The following ATP13A4 variants were observed in gnomAD, a reference collection of about 807,000 sequenced individuals.
ATP13A4 encodes the protein ATPase 13A4, also known as probable cation-transporting ATPase 13A4.
ATP13A4 carries 114 observed loss-of-function variants against 142.5 expected under a neutral mutation model. The ratio of observed to expected loss-of-function variants is 0.80; its 90% CI spans 0.69 to 0.93. The LOEUF (loss-of-function observed/expected upper bound fraction) is 0.93. Ranked by LOEUF, ATP13A4 falls within the 40% of genes least tolerant of loss-of-function variation. The pLI is 0.00. For synonymous variants in ATP13A4, 488 were observed against 514.8 expected, an observed-to-expected ratio of 0.95 and a Z score of 0.70; for missense variants, 1,392 against 1,454.0, an observed-to-expected ratio of 0.96 and a Z score of 0.69.
chr3:193,485,708 C>G (rs1218738489), intron 7 of ATP13A4, among the ~76,000 whole-genome samples: 1 of 152,032 alleles, frequency 6.6e-6, no homozygotes, highest in Non-Finnish European at 1.5e-5. Context: ...GGAGAAGGGG[C>G]CTTTGAAAGG....
chr3:193,474,296 C>G (rs547815077), intron 8 of ATP13A4, among the ~76,000 whole-genome samples: 100 of 127,698 alleles, frequency 7.8e-4, no homozygotes, highest in African/African-American at 3.0e-3. Flanking sequence ...TGCACTCCAG[C>G]CTGGTGACAG....
intron 3 of ATP13A4, among the ~76,000 whole-genome samples, chr3:193,496,608 T>C (rs1461292460): frequency 6.6e-6 from 1 of 151,888 alleles, no homozygotes; most frequent in Non-Finnish European, 1.5e-5. Flanking sequence ...CTGGCCAACA[T>C]AGCAAAACCA....
Position 193,433,907 on chromosome 3 carries a change from CTGTT to C in ATP13A4, c.2776_2779del (p.Asn926AlafsTer20), listed in dbSNP as rs1202865257. 4 of 1,613,318 alleles carry C rather than the reference CTGTT, an allele frequency of 2.5e-6. No individual in the cohort carries two copies. The highest frequency in any genetic ancestry group is 1.7e-5 in the Admixed American group (1 of 60,008). On this transcript the variant is annotated frameshift_variant, in exon 25 of 30. Coordinates refer to ENST00000342695, the MANE Select transcript of ATP13A4 (RefSeq NM_032279.4). LOFTEE classifies it high-confidence loss of function. ...GAACAGAAACTGGTAATTTGAAAGG[CTGTT>C]TGTCTCCTGAAAATAAAAAGAAAGC... is the stretch of plus-strand genomic sequence containing the variant.
intron 8 of ATP13A4, among the ~76,000 whole-genome samples, chr3:193,479,530 T>A (rs927103175): frequency 6.6e-6 from 1 of 151,684 alleles, no homozygotes; most frequent in African/African-American, 2.4e-5. Context: ...AGCTGCAAAA[T>A]ACAATAAAAT....
intron 8 of ATP13A4, among the ~76,000 whole-genome samples, chr3:193,482,567 A>C (rs1445892919): frequency 6.6e-6 from 1 of 152,208 alleles, no homozygotes; most frequent in Non-Finnish European, 1.5e-5. Context: ...CAATTTTAAT[A>C]ATAAAAATAA....
intron 10 of ATP13A4, among the ~76,000 whole-genome samples, chr3:193,466,906 C>G (rs1718322464): frequency 6.6e-6 from 1 of 151,560 alleles, no homozygotes; most frequent in Admixed American, 6.6e-5. Flanking sequence ...TGTTTTGTAC[C>G]TGTAGGTAAG....
At chr3:193,590,652 C>T (rs1290425020) in intron 1 of ATP13A4, among the ~76,000 whole-genome samples, 2 of 152,200 alleles carry the variant, frequency 1.3e-5, no homozygotes, top group Admixed American at 6.5e-5. Context: ...CTATAAACTA[C>T]ATTCCTCCCC....
rs1338459385 is a variant in ATP13A4 at position 193,442,436 on chromosome 3, C to T, written c.2273G>A (p.Trp758Ter). Residue 758 changes from tryptophan to a stop codon, truncating the protein, a stop_gained, in exon 19 of 30, where the codon TGG (tryptophan) becomes TAG (stop). Transcript: ENST00000342695. LOFTEE classifies it high-confidence loss of function. ...GTGTTTCTTCTCTTCTACTAACGTCCAAGATATAGATGCTGATGAGGACCC... is the reference window on the plus strand; with the variant it reads ...GTGTTTCTTCTCTTCTACTAACGTCTAAGATATAGATGCTGATGAGGACCC... The part of the protein sequence containing the change: ...TTGSSSASIS[W>*]TLVEEKKHIM... 6.2e-7 allele frequency: 1 copy of T among 1,614,044 alleles called. No individual in the cohort carries two copies. The highest frequency in any genetic ancestry group is 1.1e-5 in the South Asian group (1 of 91,080).
At chr3:193,474,338 A>C (rs1310990903) in intron 8 of ATP13A4, among the ~76,000 whole-genome samples, 1 of 148,680 alleles carries the variant, frequency 6.7e-6, no homozygotes, top group Admixed American at 6.7e-5. Flanking sequence ...AAAAAAAAAA[A>C]AAAAAAAAAC....
chr3:193,513,780 T>C (rs1721258725), intron 2 of ATP13A4, among the ~76,000 whole-genome samples: 1 of 152,314 alleles, frequency 6.6e-6, no homozygotes, highest in Middle Eastern at 3.4e-3. Flanking sequence ...ATCTGCAGAA[T>C]GTGACATGCT....
intron 1 of ATP13A4, among the ~76,000 whole-genome samples, chr3:193,539,181 C>T (rs914599437): frequency 2.0e-5 from 3 of 152,100 alleles, no homozygotes; most frequent in Admixed American, 1.3e-4. Flanking sequence ...CCATAGGTGG[C>T]TATTTTTCAA....
At chr3:193,435,509 T>A in intron 24 of ATP13A4, 139 bp downstream of exon 24, 1 of 781,272 alleles carries the variant, frequency 1.3e-6, no homozygotes, top group African/African-American at 1.7e-5. Flanking sequence ...CTTTACAAAT[T>A]CTTAAGGATA....
chr3:193,587,292 G>C (rs1321477313), intron 1 of ATP13A4, among the ~76,000 whole-genome samples: 2 of 152,204 alleles, frequency 1.3e-5, no homozygotes, highest in Admixed American at 1.3e-4. Context: ...GGCTCTAAAG[G>C]AGAAGTCCTT....
intron 9 of ATP13A4, among the ~76,000 whole-genome samples, chr3:193,468,173 C>T (rs1718414875): frequency 6.6e-6 from 1 of 151,606 alleles, no homozygotes; most frequent in South Asian, 2.1e-4. Flanking sequence ...GAGTGAAACT[C>T]CATCTCAAAA....
At chr3:193,440,709 A>C in intron 20 of ATP13A4, 72 bp from the exon 21 acceptor site, 1 of 1,496,758 alleles carries the variant, frequency 6.7e-7, no homozygotes, top group Admixed American at 1.7e-5. Flanking sequence ...ACTAACACTC[A>C]GAATGTTGAC....
intron 10 of ATP13A4, 26 bp from the exon 11 acceptor site, chr3:193,466,208 A>G (rs1718276591): frequency 6.2e-7 from 1 of 1,612,880 alleles, no homozygotes; most frequent in Non-Finnish European, 8.5e-7. Flanking sequence ...CACACCCCAC[A>G]CTCTCAGGAG....
intron 13 of ATP13A4, 83 bp from the exon 14 acceptor site, chr3:193,459,314 A>G: frequency 6.6e-7 from 1 of 1,518,542 alleles, no homozygotes; most frequent in Non-Finnish European, 9.0e-7. Flanking sequence ...ACATCTTTAT[A>G]AAAAAATAAT....
intron 1 of ATP13A4, among the ~76,000 whole-genome samples, chr3:193,586,340 AAGTCC>A (rs1439917775): frequency 6.6e-6 from 1 of 152,122 alleles, no homozygotes; most frequent in African/African-American, 2.4e-5. Flanking sequence ...TAGTTTGATA[AAGTCC>A]AATTAATGAT....
chr3:193,431,603 A>ATGTGTG (rs139137306), intron 25 of ATP13A4, among the ~76,000 whole-genome samples: 113 of 147,062 alleles, frequency 7.7e-4, no homozygotes, highest in African/African-American at 2.7e-3. Context: ...CTATATATGC[A>ATGTGTG]TGTGTGTGTG....
Sources: allele counts gnomAD v4.1 joint callset (sites outside exome capture counted in the v4.1 genomes callset), GRCh38; gene constraint gnomAD v4.1.1; transcripts MANE v1.5; gene names NCBI Gene and HGNC (gene_info 2026-07-23, HGNC 2026-07-21).